The following COG5 variants were observed in gnomAD, a reference collection of about 807,000 sequenced individuals.
COG5 encodes the protein conserved oligomeric Golgi complex subunit 5.
Under a neutral mutation model 110.4 loss-of-function variants are expected in COG5, and 86 were observed. That is an observed-to-expected ratio of 0.78 (90% CI 0.65 to 0.93). COG5 has a LOEUF of 0.93. Among genes scored for constraint, COG5 ranks in the 40% least tolerant of loss-of-function variants. The pLI, the probability that COG5 is intolerant of heterozygous loss-of-function variation, is 0.00. For missense variants in COG5, 1,077 were observed against 987.0 expected (o/e 1.09, Z -1.22); for synonymous variants, 360 against 334.6 (o/e 1.08, Z -0.83).
At chr7:107,563,277 T>C (rs1295364712) in intron 1 of COG5, among the ~76,000 whole-genome samples, 1 of 151,894 alleles carries the variant, frequency 6.6e-6, no homozygotes, top group East Asian at 1.9e-4. Flanking sequence ...CGTGTCACTG[T>C]AGATAACTGC....
intron 7 of COG5, among the ~76,000 whole-genome samples, chr7:107,401,749 G>C (rs1478456983): frequency 6.6e-6 from 1 of 152,130 alleles, no homozygotes; most frequent in Non-Finnish European, 1.5e-5. Flanking sequence ...TAATCCATGA[G>C]ACAAGTCAGA....
intron 7 of COG5, among the ~76,000 whole-genome samples, chr7:107,405,621 T>C (rs1421665933): frequency 1.3e-5 from 2 of 152,240 alleles, no homozygotes; most frequent in African/African-American, 4.8e-5. Context: ...GTAAATTTCA[T>C]GAACTGAACC....
chr7:107,427,042 C>T (rs1276219882), intron 6 of COG5, among the ~76,000 whole-genome samples: 5 of 152,082 alleles, frequency 3.3e-5, no homozygotes, highest in Admixed American at 6.6e-5. Context: ...ATATGGGTTT[C>T]GAGGTTTGCA....
chr7:107,378,312 G>C (rs1374178249), intron 7 of COG5, among the ~76,000 whole-genome samples: 1 of 152,098 alleles, frequency 6.6e-6, no homozygotes, highest in Non-Finnish European at 1.5e-5. Context: ...ACAAAGATGA[G>C]GAAAAACCAG....
intron 5 of COG5, among the ~76,000 whole-genome samples, chr7:107,533,842 A>G (rs945736074): frequency 1.3e-5 from 2 of 151,502 alleles, no homozygotes; most frequent in Admixed American, 6.6e-5. Flanking sequence ...CTCAAGAAGA[A>G]CAACCCCAAG....
intron 6 of COG5, chr7:107,450,253 G>A (rs17154104): frequency 0.26 from 41,318 of 157,374 alleles, 5,594 homozygotes; most frequent in East Asian, 0.31. Context: ...ATCTTACACT[G>A]TGGTTCCTAC....
intron 7 of COG5, among the ~76,000 whole-genome samples, chr7:107,390,870 C>A (rs1790573797): frequency 6.6e-6 from 1 of 151,292 alleles, no homozygotes; most frequent in Non-Finnish European, 1.5e-5. Context: ...GGGTTTCAGT[C>A]AGGATGGTGG....
Position 107,365,596 on chromosome 7 carries a change from C to CAA in COG5, c.836-3178_836-3177dup, listed in dbSNP as rs71134263. ...GGGAATGTTCAACATTGCAAAATGA[C>CAA]AAAAAAAAAAAAAAAAAAAAAAAAA... On this transcript the variant is annotated intron_variant, in intron 8 of 21. Coordinates refer to ENST00000297135, the MANE Select transcript of COG5 (RefSeq NM_006348.5). Among the ~76,000 whole-genome samples, 256 of 36,708 alleles carry CAA rather than the reference C, an allele frequency of 7.0e-3. 10 individuals are homozygous for CAA. Among genetic ancestry groups the CAA allele is most frequent in the East Asian group, 0.012 (9 of 762 alleles). 24.1% of individuals were successfully genotyped at this position (36,708 alleles called of 152,430 possible). A position where few individuals can be genotyped will look rare whatever the true frequency, so the allele number is the denominator to read the frequency against.
Position 107,502,074 on chromosome 7 carries a change from A to T in COG5, c.538+25163T>A, listed in dbSNP as rs533521527. 1.6e-3 allele frequency among the ~76,000 whole-genome samples: 237 copies of T among 152,244 alleles called. 1 individual carries two copies. The highest frequency in any genetic ancestry group is 2.6e-3 in the Non-Finnish European group (174 of 67,974). On this transcript the variant is annotated intron_variant, in intron 6 of 21. Transcript: ENST00000297135. ...CAAGTGGTTGTGATTACATAAATAA[A>T]TTATTTAGTGATGAATTCTGAGATT...
intron 11 of COG5, among the ~76,000 whole-genome samples, chr7:107,308,322 A>C (rs1033378925): frequency 6.6e-6 from 1 of 152,170 alleles, no homozygotes; most frequent in Non-Finnish European, 1.5e-5. Flanking sequence ...ATGTAATTAC[A>C]GCCCAGGCTT....
chr7:107,563,566 G>C, intron 1 of COG5: 1 of 444,950 alleles, frequency 2.2e-6, no homozygotes, highest in South Asian at 2.3e-5. Flanking sequence ...GGGTCGAGTT[G>C]AAATGAGGAA....
At chr7:107,325,050 A>G (rs1387284828) in intron 10 of COG5, among the ~76,000 whole-genome samples, 1 of 152,190 alleles carries the variant, frequency 6.6e-6, no homozygotes, top group Non-Finnish European at 1.5e-5. Context: ...ATTACAAAAG[A>G]GAATGGCTGA....
intron 1 of COG5, among the ~76,000 whole-genome samples, chr7:107,560,130 G>A (rs561769736): frequency 5.3e-5 from 8 of 152,266 alleles, no homozygotes; most frequent in Non-Finnish European, 8.8e-5. Context: ...TACATTTTCA[G>A]GAATTCTGTG....
intron 7 of COG5, 149 bp downstream of exon 7, chr7:107,412,353 G>A: frequency 1.5e-5 from 6 of 412,434 alleles, no homozygotes; most frequent in South Asian, 1.1e-4. Flanking sequence ...TTCCCTTAAC[G>A]ATGACCCATT....
chr7:107,262,841 T>C (rs889562756), intron 14 of COG5, among the ~76,000 whole-genome samples: 1 of 152,200 alleles, frequency 6.6e-6, no homozygotes, highest in African/African-American at 2.4e-5. Flanking sequence ...GAGTGACTTG[T>C]AGCTTCAATT....
At chr7:107,305,850 G>T (rs891481881) in intron 11 of COG5, among the ~76,000 whole-genome samples, 2 of 151,956 alleles carry the variant, frequency 1.3e-5, no homozygotes, top group Non-Finnish European at 2.9e-5. Flanking sequence ...CCGCCTGAGA[G>T]CAAAATGGAG....
At chr7:107,416,350 A>G (rs10248717) in intron 6 of COG5, among the ~76,000 whole-genome samples, 65,898 of 151,822 alleles carry the variant, frequency 0.43, 16,462 homozygotes, top group African/African-American at 0.7. Flanking sequence ...ATAAATATCA[A>G]TAACAATGAA....
chr7:107,394,369 A>G (rs1790838374), intron 7 of COG5, among the ~76,000 whole-genome samples: 1 of 152,096 alleles, frequency 6.6e-6, no homozygotes, highest in Non-Finnish European at 1.5e-5. Context: ...TTACAAAACC[A>G]AAATATTTCC....
intron 10 of COG5, among the ~76,000 whole-genome samples, chr7:107,358,148 CCTG>C (rs1321816449): frequency 6.6e-6 from 1 of 152,132 alleles, no homozygotes; most frequent in African/African-American, 2.4e-5. Flanking sequence ...CTTAGATTCT[CCTG>C]AGTACAGTTG....
Sources: gnomAD v4.1 joint callset for allele counts (sites outside exome capture counted in the v4.1 genomes callset) on GRCh38, gnomAD v4.1.1 for gene constraint, MANE v1.5 for transcripts, NCBI Gene and HGNC (gene_info 2026-07-23, HGNC 2026-07-21) for gene names.